IMPG1: variants seen among roughly 807,000 people sequenced by gnomAD.
The protein encoded by IMPG1 is interphotoreceptor matrix proteoglycan 1.
IMPG1 carries 85 observed loss-of-function variants against 92.0 expected under a neutral mutation model. That is an observed-to-expected ratio of 0.92 (90% CI 0.78 to 1.11). The LOEUF is 1.11. IMPG1 is among the 50% of genes least tolerant of loss of function. The pLI, the probability that IMPG1 is intolerant of heterozygous loss-of-function variation, is 0.00. For missense variants in IMPG1, 1,022 were observed against 956.0 expected (o/e 1.07, Z -0.91); for synonymous variants, 367 against 334.1 (o/e 1.10, Z -1.08).
intron 12 of IMPG1, among the ~76,000 whole-genome samples, chr6:75,985,481 A>G (rs1541000): frequency 0.46 from 70,396 of 152,044 alleles, 16,872 homozygotes; most frequent in East Asian, 0.67. Flanking sequence ...GAGTCATTAG[A>G]GAAGAAAAAA....
intron 2 of IMPG1, among the ~76,000 whole-genome samples, chr6:76,035,137 G>A (rs1010388102): frequency 1.2e-4 from 19 of 152,018 alleles, no homozygotes; most frequent in African/African-American, 4.6e-4. Context: ...GAGTGCTAGG[G>A]GCACTGAAGG....
intron 5 of IMPG1, among the ~76,000 whole-genome samples, chr6:76,022,819 T>C (rs1032587164): frequency 2.6e-5 from 4 of 152,212 alleles, no homozygotes; most frequent in African/African-American, 9.7e-5. Context: ...ACAAATGCAT[T>C]TCTATTTTGT....
rs1781745553 is a variant in IMPG1, at chr6:75,936,361, G to GT, written c.2045-5211dup. Among the ~76,000 whole-genome samples, 8 of 152,262 alleles carry GT rather than the reference G, an allele frequency of 5.3e-5. No homozygotes were observed. The South Asian group carries it at 1.5e-3, about 28-fold the overall frequency. ...TTCAAAGAAATCTTAAAATATATATGTTTAAGTTTTTGTTGATCGCTTATT... is the reference window on the plus strand; with the variant it reads ...TTCAAAGAAATCTTAAAATATATATGTTTTAAGTTTTTGTTGATCGCTTATT... On this transcript the variant is annotated intron_variant, in intron 14 of 16. Coordinates refer to ENST00000369950, the MANE Select transcript of IMPG1 (RefSeq NM_001563.4).
chr6:75,985,546 A>T (rs1037082872), intron 12 of IMPG1, among the ~76,000 whole-genome samples: 1 of 152,190 alleles, frequency 6.6e-6, no homozygotes, highest in African/African-American at 2.4e-5. Flanking sequence ...CAATCAATAC[A>T]TGAAAAAAAT....
At chr6:75,923,747 C>A (rs1436098741) in intron 15 of IMPG1, 41 bp from the exon 16 acceptor site, 9 of 1,184,216 alleles carry the variant, frequency 7.6e-6, no homozygotes, top group Middle Eastern at 1.9e-4. Flanking sequence ...GTTTCTTGGG[C>A]TTATCAACAT....
chr6:75,948,941 G>A (rs187118222), intron 13 of IMPG1, among the ~76,000 whole-genome samples: 276 of 152,288 alleles, frequency 1.8e-3, no homozygotes, highest in South Asian at 8.3e-3. Context: ...ATGTGAATGA[G>A]GAAATGCCCT....
chr6:76,008,937 G>A (rs1452765695), intron 8 of IMPG1, among the ~76,000 whole-genome samples: 1 of 152,084 alleles, frequency 6.6e-6, no homozygotes, highest in Non-Finnish European at 1.5e-5. Context: ...CTATAAATCA[G>A]TTTGCATTTT....
intron 12 of IMPG1, among the ~76,000 whole-genome samples, chr6:75,989,283 T>A (rs1782774767): frequency 2.0e-5 from 3 of 152,156 alleles, no homozygotes; most frequent in African/African-American, 7.2e-5. Flanking sequence ...TACAGCATCA[T>A]GTACAACTAA....
intron 12 of IMPG1, among the ~76,000 whole-genome samples, chr6:75,993,832 A>G: frequency 6.6e-6 from 1 of 152,242 alleles, no homozygotes; most frequent in African/African-American, 2.4e-5. Flanking sequence ...TCTCCTTGTC[A>G]TTAGAGCTGT....
At chr6:75,948,086 T>C (rs1482385870) in intron 13 of IMPG1, among the ~76,000 whole-genome samples, 1 of 152,208 alleles carries the variant, frequency 6.6e-6, no homozygotes, top group African/African-American at 2.4e-5. Flanking sequence ...GTTAGGAGAC[T>C]TGGGTGCCAG....
intron 12 of IMPG1, among the ~76,000 whole-genome samples, chr6:75,967,610 C>T (rs775049195): frequency 2.6e-5 from 4 of 151,908 alleles, no homozygotes; most frequent in South Asian, 2.1e-4. Flanking sequence ...CCCAAATGAA[C>T]GAAGACACCC....
intron 1 of IMPG1, among the ~76,000 whole-genome samples, chr6:76,050,357 C>T (rs149936544): frequency 0.016 from 2,504 of 152,180 alleles, 57 homozygotes; most frequent in African/African-American, 0.056. Flanking sequence ...GCATGAGAAT[C>T]GCTTGAACCT....
chr6:75,923,658 C>CT lies in IMPG1; in HGVS notation c.2291dup (p.Phe765ValfsTer7). 6.3e-7 allele frequency: 1 copy of CT among 1,587,796 alleles called. No homozygotes were observed. Among genetic ancestry groups the CT allele is most frequent in the Non-Finnish European group, 8.6e-7 (1 of 1,157,922 alleles). ...CCTTGTTATTTTGTTGATTTTGGAA[C>CT]TTTTTAACACTAGTTTTGTATGCTT... On this transcript the variant is annotated frameshift_variant, in exon 16 of 17. Transcript: ENST00000369950. LOFTEE classifies it high-confidence loss of function.
At chr6:76,042,346 A>G (rs79363880) in intron 1 of IMPG1, among the ~76,000 whole-genome samples, 1,907 of 152,240 alleles carry the variant, frequency 0.013, 45 homozygotes, top group African/African-American at 0.043. Flanking sequence ...TAAAAAGCCA[A>G]TGTCTCAAAT....
chr6:75,971,753 G>C (rs1782422048), intron 12 of IMPG1, among the ~76,000 whole-genome samples: 1 of 152,118 alleles, frequency 6.6e-6, no homozygotes, highest in Non-Finnish European at 1.5e-5. Flanking sequence ...TATTGTCTTT[G>C]CAACCTCTTA....
At chr6:75,955,438 A>G (rs1304629497) in intron 12 of IMPG1, among the ~76,000 whole-genome samples, 11 of 152,130 alleles carry the variant, frequency 7.2e-5, no homozygotes, top group Admixed American at 6.6e-4. Flanking sequence ...GTGTAGAAAT[A>G]CTTGTGATTT....
At chr6:75,931,984 C>A (rs969326511) in intron 14 of IMPG1, among the ~76,000 whole-genome samples, 5 of 152,332 alleles carry the variant, frequency 3.3e-5, no homozygotes, top group Non-Finnish European at 7.4e-5. Flanking sequence ...ATGGCAGAAC[C>A]AGAACAGGCC....
chr6:76,044,250 T>G (rs1486156974), intron 1 of IMPG1, among the ~76,000 whole-genome samples: 4 of 152,206 alleles, frequency 2.6e-5, no homozygotes, highest in Non-Finnish European at 5.9e-5. Flanking sequence ...TTAATAATCC[T>G]TTCAAGCAGT....
chr6:76,000,930 G>A (rs1394928364), intron 12 of IMPG1, among the ~76,000 whole-genome samples: 2 of 152,202 alleles, frequency 1.3e-5, no homozygotes, highest in African/African-American at 4.8e-5. Flanking sequence ...AAAGGATGGA[G>A]CTACTTAAGC....
Sources: gnomAD v4.1 joint callset for allele counts (sites outside exome capture counted in the v4.1 genomes callset) on GRCh38, gnomAD v4.1.1 for gene constraint, MANE v1.5 for transcripts, NCBI Gene and HGNC (gene_info 2026-07-23, HGNC 2026-07-21) for gene names.